Variants in ACTR1B observed in about 807,000 individuals in gnomAD.
The protein encoded by ACTR1B is actin related protein 1B, also known as beta-centractin.
ACTR1B carries 34 observed loss-of-function variants against 49.4 expected under a neutral mutation model. The ratio of observed to expected loss-of-function variants is 0.69; its 90% CI spans 0.52 to 0.92. ACTR1B has a LOEUF of 0.92. ACTR1B is among the 40% of genes least tolerant of loss of function. ACTR1B has a pLI of 0.00. For synonymous variants in ACTR1B, 207 were observed against 207.8 expected (o/e 1.00, Z 0.03); for missense variants, 471 against 522.4 (o/e 0.90, Z 0.96).
rs762893226 is a variant in ACTR1B at position 97,658,522 on chromosome 2, G to A, written c.562C>T (p.Arg188Cys). 15 of 1,613,952 alleles carry A rather than the reference G, an allele frequency of 9.3e-6. No individual in the cohort carries two copies. Among genetic ancestry groups the A allele is most frequent in the South Asian group, 2.2e-5 (2 of 91,084 alleles). Reference sequence around the variant, plus strand: ...AGTCGGAGGTAGCGGGAGACGTCGCGGCCGGCAATGTCCACCCGCATGATG... The same window carrying A: ...AGTCGGAGGTAGCGGGAGACGTCGCAGCCGGCAATGTCCACCCGCATGATG... ...HSIMRVDIAG[R>C]DVSRYLRLLL... The change falls in exon 6 of 11, where the codon CGC becomes TGC. Residue 188 changes from arginine (R) to cysteine (C), a missense_variant. Physicochemically the swap from Arg to Cys is radical, Grantham distance 180. Coordinates refer to ENST00000289228, the MANE Select transcript of ACTR1B (RefSeq NM_005735.4). This position sits in a 1 kb window ranked among gnomAD's most constrained non-coding sequence, Gnocchi z 5.9.
Position 97,656,001 on chromosome 2 carries a change from A to G in ACTR1B, c.*857T>C, listed in dbSNP as rs573616452. Reference sequence around the variant, plus strand: ...ATAATTATTACTATAATGATTTACAAAAGTTTTTTTCAGGCAACCGTGTTA... The same window carrying G: ...ATAATTATTACTATAATGATTTACAGAAGTTTTTTTCAGGCAACCGTGTTA... On this transcript the variant is annotated 3_prime_UTR_variant, in exon 11 of 11. Transcript: ENST00000289228. 5 of 152,356 alleles carry G rather than the reference A, an allele frequency of 3.3e-5. No individual in the cohort carries two copies. Among genetic ancestry groups the G allele is most frequent in the South Asian group, 2.1e-4 (1 of 4,824 alleles). The allele number at this position is 152,356 out of a possible 1,614,324, so 9.4% of individuals were successfully genotyped here.
At chr2:97,657,570 C>T (rs999455086) in intron 8 of ACTR1B, 61 bp from the exon 9 acceptor site, 45 of 1,551,908 alleles carry the variant, frequency 2.9e-5, no homozygotes, top group South Asian at 7.8e-5. Flanking sequence ...TGCTAGCTCC[C>T]GCACCCAGCC....
chr2:97,658,668 A>G lies in ACTR1B; in HGVS notation c.441-25T>C. 6.2e-7 allele frequency: 1 copy of G among 1,610,704 alleles called. No individual in the cohort carries two copies. Among genetic ancestry groups the G allele is most frequent in the African/African-American group, 1.3e-5 (1 of 74,688 alleles). On this transcript the variant is annotated intron_variant, in intron 5 of 10. Coordinates refer to ENST00000289228, the MANE Select transcript of ACTR1B (RefSeq NM_005735.4). The surrounding 1 kb of genome is among the most constrained non-coding windows in gnomAD (Gnocchi z 5.9). ...CCTGTCACCAGGTCAGCATCCCCTC[A>G]CCTCAGCCACTGAGGCACGGGGACC... is the stretch of plus-strand genomic sequence containing the variant.
At position 97,659,566 on chromosome 2, in the gene ACTR1B, ACCAGAACCTCACCTGCC is replaced by A; in HGVS notation, c.190-106_190-90del. On this transcript the variant is annotated intron_variant, in intron 3 of 10. Coordinates refer to ENST00000289228, the MANE Select transcript of ACTR1B (RefSeq NM_005735.4). This position sits in a 1 kb window ranked among gnomAD's most constrained non-coding sequence, Gnocchi z 4.0. ...TGGAAGCTGACCCTCACCTGCCCTG[ACCAGAACCTCACCTGCC>A]CTGACCAGAACCACCCCTGCTCACT... is the stretch of plus-strand genomic sequence containing the variant. 8.8e-6 allele frequency: 3 copies of A among 342,686 alleles called. No homozygotes were observed. Among genetic ancestry groups the A allele is most frequent in the South Asian group, 1.8e-5 (1 of 54,424 alleles). The allele number at this position is 342,686 out of a possible 1,614,324, so 21.2% of individuals were successfully genotyped here.
chr2:97,657,011 A>C (rs1381938061), intron 10 of ACTR1B, 51 bp from the exon 11 acceptor site: 1 of 1,572,704 alleles, frequency 6.4e-7, no homozygotes, highest in Admixed American at 1.8e-5. Context: ...GGAGCCAACC[A>C]CCTTCCTGGG....
intron 2 of ACTR1B, among the ~76,000 whole-genome samples, chr2:97,660,903 C>T (rs1301674616): frequency 1.3e-5 from 2 of 152,186 alleles, no homozygotes; most frequent in Admixed American, 1.3e-4. Context: ...ACCCAGCCCT[C>T]CATGGCCCAG....
At position 97,663,985 on chromosome 2, in the gene ACTR1B, G is replaced by A; in HGVS notation, c.-95C>T. ...GACCGGGACGGCGGCGGCTCCCGAC[G>A]CGGCGCCGCTGCCCTCCCTCCCCGA... On this transcript the variant is annotated 5_prime_UTR_variant, in exon 1 of 11. Transcript: ENST00000289228. 2.6e-6 allele frequency: 2 copies of A among 770,852 alleles called. No homozygotes were observed. The highest frequency in any genetic ancestry group is 5.4e-5 in the South Asian group (1 of 18,636). 47.8% of individuals were successfully genotyped at this position (770,852 alleles called of 1,614,324 possible). A position where few individuals can be genotyped will look rare whatever the true frequency, so the allele number is the denominator to read the frequency against.
chr2:97,663,707 A>AGCCAGCGGCCCGGCGGGGGCGAC (rs1675097556), intron 1 of ACTR1B, 136 bp downstream of exon 1: 2 of 322,952 alleles, frequency 6.2e-6, no homozygotes, highest in Admixed American at 1.2e-4. Flanking sequence ...CCCGGGGCGA[A>AGCCAGCGGCCCGGCGGGGGCGAC]GCCAGCGGCC....
intron 3 of ACTR1B, among the ~76,000 whole-genome samples, chr2:97,660,345 T>C (rs1264723926): frequency 1.3e-5 from 2 of 152,268 alleles, no homozygotes; most frequent in South Asian, 2.1e-4. Flanking sequence ...CTTGGTTCTG[T>C]AGCTTCCAAA....
chr2:97,663,389 T>C (rs886719691), intron 1 of ACTR1B, among the ~76,000 whole-genome samples: 1 of 152,192 alleles, frequency 6.6e-6, no homozygotes, highest in Non-Finnish European at 1.5e-5. Context: ...CCTGCATTTG[T>C]TGCCTCGGGG....
chr2:97,658,539 C>T lies in ACTR1B; in HGVS notation c.545G>A (p.Arg182Gln), dbSNP rs1172601432. The T allele has an allele frequency of 3.7e-6, 6 of 1,614,084 alleles. No individual in the cohort carries two copies. Among genetic ancestry groups the T allele is most frequent in the East Asian group, 2.2e-5 (1 of 44,862 alleles). ...GACGTCGCGGCCGGCAATGTCCACC[C>T]GCATGATGGAGTGAGGCATGGCAAA... ...EGFAMPHSIMRVDIAGRDVSR... is the reference protein window; with the variant it reads ...EGFAMPHSIMQVDIAGRDVSR... Residue 182 changes from arginine (R) to glutamine (Q), a missense_variant, in exon 6 of 11, where the codon CGG becomes CAG. Arg to Gln is a conservative substitution (Grantham distance 43). Coordinates refer to ENST00000289228, the MANE Select transcript of ACTR1B (RefSeq NM_005735.4). The surrounding 1 kb of genome is among the most constrained non-coding windows in gnomAD (Gnocchi z 5.9).
chr2:97,661,761 AT>A, intron 2 of ACTR1B, 120 bp downstream of exon 2: 1 of 938,088 alleles, frequency 1.1e-6, no homozygotes, highest in Non-Finnish European at 1.7e-6. Flanking sequence ...AACCTCACAA[AT>A]TTGGTGTTTT....
chr2:97,660,697 T>G, intron 2 of ACTR1B, 51 bp from the exon 3 acceptor site: 1 of 1,578,994 alleles, frequency 6.3e-7, no homozygotes, highest in Admixed American at 1.7e-5. Context: ...TGGCAGAGCT[T>G]GTGTCCAGAA....
In ACTR1B at chr2:97,656,062, C is replaced by G. The variant is rs1246445920; in HGVS notation, c.*796G>C. ...CATATCTGAGAGAGGGAGGTGGGGC[C>G]CTGGCCACAGCAAAAGTGACGACCT... is the stretch of plus-strand genomic sequence containing the variant. On this transcript the variant is annotated 3_prime_UTR_variant, in exon 11 of 11. Transcript: ENST00000289228. The G allele has an allele frequency of 6.6e-6, 1 of 152,118 alleles. No homozygotes were observed. The highest frequency in any genetic ancestry group is 1.5e-5 in the Non-Finnish European group (1 of 68,014). 9.4% of individuals were successfully genotyped at this position (152,118 alleles called of 1,614,324 possible).
rs1284568603 is a variant in ACTR1B, at chr2:97,658,095, GC to G, written c.772del (p.Ala258ProfsTer61). 2 of 1,614,008 alleles carry G rather than the reference GC, an allele frequency of 1.2e-6. No individual in the cohort carries two copies. Among genetic ancestry groups the G allele is most frequent in the Admixed American group, 1.7e-5 (1 of 60,036 alleles). ...GTCCGGCTGGAACAGCAGCTCGGGG[GC>G]CCGGAATCGTGCAGGCCCCACCTTT... ...TLDVGPARFRAPELLFQPDLV... is the reference protein window; with the variant it reads ...TLDVGPARFRXPELLFQPDLV... On this transcript the variant is annotated frameshift_variant, in exon 8 of 11. Coordinates refer to ENST00000289228, the MANE Select transcript of ACTR1B (RefSeq NM_005735.4). LOFTEE classifies it high-confidence loss of function. This position sits in a 1 kb window ranked among gnomAD's most constrained non-coding sequence, Gnocchi z 5.9.
chr2:97,663,643 G>A (rs944962083), intron 1 of ACTR1B, among the ~76,000 whole-genome samples, 200 bp downstream of exon 1: 2 of 151,944 alleles, frequency 1.3e-5, no homozygotes, highest in Non-Finnish European at 2.9e-5. Flanking sequence ...TCTGCGACGC[G>A]GGCGAGGGGG....
Position 97,658,319 on chromosome 2 carries a change from G to A in ACTR1B, c.658-3C>T, listed in dbSNP as rs752709465. The A allele has an allele frequency of 5.0e-6, 8 of 1,614,192 alleles. No individual in the cohort carries two copies. The highest frequency in any genetic ancestry group is 6.8e-6 in the Non-Finnish European group (8 of 1,180,026). ...TTGATGGACAGGTAGCACGCTCGCT[G>A]CGGGGACAGGGACACAGCCCTCAGA... is the stretch of plus-strand genomic sequence containing the variant. On this transcript the variant is annotated splice_region_variant and splice_polypyrimidine_tract_variant and intron_variant, in intron 6 of 10. Transcript: ENST00000289228. This position sits in a 1 kb window ranked among gnomAD's most constrained non-coding sequence, Gnocchi z 5.9.
intron 2 of ACTR1B, among the ~76,000 whole-genome samples, chr2:97,660,957 C>T (rs1674998587): frequency 6.6e-6 from 1 of 152,208 alleles, no homozygotes; most frequent in Non-Finnish European, 1.5e-5. Flanking sequence ...TGACTCAGCC[C>T]ACGCTCCTGA....
At chr2:97,657,102 C>A in intron 10 of ACTR1B, 50 bp downstream of exon 10, 1 of 1,600,612 alleles carries the variant, frequency 6.2e-7, no homozygotes, top group Non-Finnish European at 8.5e-7. Flanking sequence ...GGAGGAGCAT[C>A]CAGGGTAAAG....
Sources: allele counts gnomAD v4.1 joint callset (sites outside exome capture counted in the v4.1 genomes callset), GRCh38; gene constraint gnomAD v4.1.1; non-coding constraint Gnocchi (gnomAD v3.1); transcripts MANE v1.5; gene names NCBI Gene and HGNC (gene_info 2026-07-23, HGNC 2026-07-21).